Variants in MITF observed in about 807,000 individuals in gnomAD.
MITF encodes the protein microphthalmia-associated transcription factor.
Under a neutral mutation model 60.5 loss-of-function variants are expected in MITF, and 17 were observed. That is an observed-to-expected ratio of 0.28 (90% CI 0.19 to 0.42). The LOEUF is 0.42. Among genes scored for constraint, MITF ranks in the 10% least tolerant of loss-of-function variants. MITF has a pLI of 1.00. For synonymous variants in MITF, 260 were observed against 248.5 expected, an observed-to-expected ratio of 1.05 and a Z score of -0.43; for missense variants, 622 against 683.5, an observed-to-expected ratio of 0.91 and a Z score of 1.00.
At chr3:69,903,961 G>A (rs927970963) in intron 2 of MITF, among the ~76,000 whole-genome samples, 7 of 152,048 alleles carry the variant, frequency 4.6e-5, no homozygotes, top group Non-Finnish European at 8.8e-5. Flanking sequence ...TAGGGTTGTC[G>A]GAGGATTATA....
intron 2 of MITF, among the ~76,000 whole-genome samples, chr3:69,898,867 C>G (rs2064936375): frequency 6.6e-6 from 1 of 152,122 alleles, no homozygotes; most frequent in Non-Finnish European, 1.5e-5. Flanking sequence ...TTTATTCATT[C>G]ATTTACCCAA....
At chr3:69,904,766 G>C (rs1477121843) in intron 2 of MITF, among the ~76,000 whole-genome samples, 1 of 152,032 alleles carries the variant, frequency 6.6e-6, no homozygotes, top group African/African-American at 2.4e-5. Context: ...GTAGTCAGTA[G>C]GATGCAGAGT....
chr3:69,965,739 A>G lies in MITF; in HGVS notation c.*491A>G, dbSNP rs576213792. On this transcript the variant is annotated 3_prime_UTR_variant, in exon 10 of 10. Transcript: ENST00000352241. ...TGTATTGATTCATTGGTACTGCCTT[A>G]AAGATACAGTACCCCTCTAGCTTTG... 5.9e-5 allele frequency: 14 copies of G among 238,420 alleles called. No individual in the cohort carries two copies. Among genetic ancestry groups the G allele is most frequent in the African/African-American group, 3.1e-4 (14 of 45,394 alleles). The allele number at this position is 238,420 out of a possible 1,614,324, so 14.8% of individuals were successfully genotyped here. A position where few individuals can be genotyped will look rare whatever the true frequency, so the allele number is the denominator to read the frequency against.
At chr3:69,866,610 G>A (rs1427681434) in intron 1 of MITF, among the ~76,000 whole-genome samples, 1 of 152,090 alleles carries the variant, frequency 6.6e-6, no homozygotes, top group African/African-American at 2.4e-5. Context: ...CTTTAAAATT[G>A]AATACTGGTC....
At chr3:69,962,016 C>G (rs945276976) in intron 9 of MITF, among the ~76,000 whole-genome samples, 3 of 152,222 alleles carry the variant, frequency 2.0e-5, no homozygotes, top group African/African-American at 7.2e-5. Context: ...CCAGAGTTCT[C>G]TAGATGAGAT....
Position 69,739,475 on chromosome 3 carries a change from A to T in MITF, c.-123A>T. 1 of 793,682 alleles carries T rather than the reference A, an allele frequency of 1.3e-6. No homozygotes were observed. Among genetic ancestry groups the T allele is most frequent in the Non-Finnish European group, 1.9e-6 (1 of 520,878 alleles). The allele number at this position is 793,682 out of a possible 1,614,324, so 49.2% of individuals were successfully genotyped here. On this transcript the variant is annotated 5_prime_UTR_variant, in exon 1 of 10. Transcript: ENST00000352241. ...TGGGGCGGGCGGCCGCGAGCCGGCG[A>T]GCGGGCAGAGCTCGGCACTGCGCCG...
intron 2 of MITF, among the ~76,000 whole-genome samples, chr3:69,898,040 C>G (rs2064915810): frequency 6.6e-6 from 1 of 152,170 alleles, no homozygotes; most frequent in East Asian, 1.9e-4. Context: ...CCTTGTGGAA[C>G]TCACTGCTAA....
chr3:69,887,922 T>C (rs536038992), intron 2 of MITF, among the ~76,000 whole-genome samples: 2 of 152,216 alleles, frequency 1.3e-5, no homozygotes, highest in African/African-American at 4.8e-5. Flanking sequence ...CTGTCAGGTG[T>C]AAACTCACCA....
chr3:69,914,176 C>T (rs1366767288), intron 2 of MITF, among the ~76,000 whole-genome samples: 1 of 152,100 alleles, frequency 6.6e-6, no homozygotes, highest in Non-Finnish European at 1.5e-5. Context: ...GGCTGGAGTA[C>T]AATGGTGTGA....
In MITF at chr3:69,959,437, G is replaced by T. The variant is rs758442193; in HGVS notation, c.1179+17G>T. ...AGAATACAGGTACGCAGCCTGAGTT[G>T]TGTAAAGTTTACTGCTTTTTACCGA... On this transcript the variant is annotated intron_variant, in intron 9 of 9. Transcript: ENST00000352241. The T allele has an allele frequency of 3.1e-6, 5 of 1,613,578 alleles. No individual in the cohort carries two copies. Among genetic ancestry groups the T allele is most frequent in the Non-Finnish European group, 4.2e-6 (5 of 1,179,772 alleles).
intron 2 of MITF, among the ~76,000 whole-genome samples, chr3:69,916,727 A>C (rs2065343130): frequency 6.6e-6 from 1 of 152,224 alleles, no homozygotes; most frequent in South Asian, 2.1e-4. Context: ...TATGACTGTT[A>C]ACACTGACCT....
intron 2 of MITF, among the ~76,000 whole-genome samples, chr3:69,933,696 C>T (rs1050896422): frequency 1.3e-5 from 2 of 152,074 alleles, no homozygotes; most frequent in Non-Finnish European, 2.9e-5. Context: ...GCTGTCTATA[C>T]TTCAGGTGTT....
intron 7 of MITF, among the ~76,000 whole-genome samples, chr3:69,953,464 C>T (rs1315316081): frequency 6.6e-6 from 1 of 151,952 alleles, no homozygotes; most frequent in East Asian, 1.9e-4. Flanking sequence ...TAGATTGCCC[C>T]TTGGTCAAGC....
intron 2 of MITF, among the ~76,000 whole-genome samples, chr3:69,896,400 T>G (rs927551693): frequency 2.6e-5 from 4 of 152,178 alleles, no homozygotes; most frequent in Admixed American, 2.6e-4. Context: ...GGATCAGATT[T>G]TAATTTTTTG....
intron 1 of MITF, among the ~76,000 whole-genome samples, chr3:69,821,186 G>C (rs79864241): frequency 6.6e-6 from 1 of 152,138 alleles, no homozygotes; most frequent in African/African-American, 2.4e-5. Flanking sequence ...TTGATCGTCA[G>C]ACTTTTAGCT....
At chr3:69,833,380 G>A (rs2063483872) in intron 1 of MITF, among the ~76,000 whole-genome samples, 1 of 151,758 alleles carries the variant, frequency 6.6e-6, no homozygotes, top group Admixed American at 6.6e-5. Flanking sequence ...ACTGTATGTG[G>A]TTGTTTCCCT....
intron 1 of MITF, among the ~76,000 whole-genome samples, chr3:69,873,365 A>C (rs1373491055): frequency 1.3e-5 from 2 of 152,214 alleles, no homozygotes; most frequent in East Asian, 3.8e-4. Flanking sequence ...TACCATTTAA[A>C]AAAAATATAG....
intron 2 of MITF, among the ~76,000 whole-genome samples, chr3:69,909,119 CG>C (rs1166407538): frequency 6.6e-6 from 1 of 151,784 alleles, no homozygotes; most frequent in Non-Finnish European, 1.5e-5. Context: ...GGGAAGGACC[CG>C]GGGGGTTGGT....
At chr3:69,917,398 G>C (rs1434833919) in intron 2 of MITF, among the ~76,000 whole-genome samples, 8 of 27,080 alleles carry the variant, frequency 3.0e-4, no homozygotes, top group Admixed American at 2.1e-3. Flanking sequence ...TTTTTTTTTT[G>C]ACATCTTTAG....
Sources: gnomAD v4.1 joint callset for allele counts (sites outside exome capture counted in the v4.1 genomes callset) on GRCh38, gnomAD v4.1.1 for gene constraint, MANE v1.5 for transcripts, NCBI Gene and HGNC (gene_info 2026-07-23, HGNC 2026-07-21) for gene names.